TBL1Y: variants seen among roughly 807,000 people sequenced by gnomAD.
TBL1Y encodes transducin beta like 1 Y-linked.
Under a neutral mutation model 12.0 loss-of-function variants are expected in TBL1Y, and 15 were observed. The observed-to-expected ratio is 1.25, with a 90% confidence interval of 0.83 to 1.92. The LOEUF (loss-of-function observed/expected upper bound fraction) is 1.92. Ranked by LOEUF, TBL1Y falls within the 40% of genes most tolerant of loss-of-function variation. The pLI is 0.00. For missense variants in TBL1Y, 148 were observed against 116.7 expected (o/e 1.27, Z -1.24); for synonymous variants, 53 against 42.6 (o/e 1.24, Z -0.95).
In TBL1Y at chrY:6,957,591, T is replaced by C. The variant is rs776094996; in HGVS notation, c.-265-20622T>C. On this transcript the variant is annotated intron_variant, in intron 2 of 18. Coordinates refer to ENST00000383032, the MANE Select transcript of TBL1Y (RefSeq NM_033284.2). Reference sequence around the variant, plus strand: ...TGCTGAGTAACTGGAGCAGCACTTGTGCTCTAACCCAGTTGGCTATCCCTT... The same window carrying C: ...TGCTGAGTAACTGGAGCAGCACTTGCGCTCTAACCCAGTTGGCTATCCCTT... 8.8e-5 allele frequency among the ~76,000 whole-genome samples: 3 copies of C among 34,140 alleles called. No individual in the cohort carries two copies. The East Asian group carries it at 2.3e-3, about 27-fold the overall frequency. 91.6% of individuals were successfully genotyped at this position (34,140 alleles called of 37,273 possible). A position where few individuals can be genotyped will look rare whatever the true frequency, so the allele number is the denominator to read the frequency against.
chrY:6,975,902 C>T, intron 2 of TBL1Y, among the ~76,000 whole-genome samples: 1 of 27,619 alleles, frequency 3.6e-5, no homozygotes, highest in South Asian at 8.6e-4. Flanking sequence ...GAATATACTT[C>T]GTGTGTGTGT....
At chrY:6,970,687 G>T (rs2012201707) in intron 2 of TBL1Y, among the ~76,000 whole-genome samples, 3 of 33,996 alleles carry the variant, frequency 8.8e-5, no homozygotes, top group Non-Finnish European at 2.2e-4. Context: ...CACTGCAGAC[G>T]CAGGCTTCCA....
chrY:6,966,288 C>T, intron 2 of TBL1Y, among the ~76,000 whole-genome samples: 3 of 32,491 alleles, frequency 9.2e-5, no homozygotes, highest in African/African-American at 2.4e-4. Context: ...CTCCTGACCT[C>T]AGGTGATCCA....
At chrY:7,049,003 G>A in intron 7 of TBL1Y, among the ~76,000 whole-genome samples, 1 of 32,466 alleles carries the variant, frequency 3.1e-5, no homozygotes, top group African/African-American at 1.2e-4. Context: ...TTTACATTAG[G>A]TATTTCTCTT....
At chrY:6,960,603 G>A (rs1019502368) in intron 2 of TBL1Y, among the ~76,000 whole-genome samples, 1 of 33,356 alleles carries the variant, frequency 3.0e-5, no homozygotes, top group Non-Finnish European at 7.4e-5. Context: ...CTGGATTAGC[G>A]GGCCAGACAG....
Position 6,910,802 on chromosome Y carries a change from G to A in TBL1Y, c.-531G>A. The A allele has an allele frequency of 2.3e-5, 1 of 43,082 alleles. No homozygotes were observed. The highest frequency in any genetic ancestry group is 5.2e-5 in the Non-Finnish European group (1 of 19,113). 10.7% of individuals were successfully genotyped at this position (43,082 alleles called of 400,897 possible). A position where few individuals can be genotyped will look rare whatever the true frequency, so the allele number is the denominator to read the frequency against. On this transcript the variant is annotated 5_prime_UTR_variant, in exon 1 of 19. Coordinates refer to ENST00000383032, the MANE Select transcript of TBL1Y (RefSeq NM_033284.2). ...GTTACCTAAACTTTCCAGTACCCGC[G>A]ACCTTTCCGGGACTCCGCGGCGGCG...
chrY:7,063,829 G>C, intron 7 of TBL1Y, 68 bp from the exon 8 acceptor site: 8 of 379,163 alleles, frequency 2.1e-5, no homozygotes, highest in East Asian at 9.3e-5. Flanking sequence ...CCTGCCCAGA[G>C]AGTAGAGACC....
Position 6,973,432 on chromosome Y carries a change from G to A in TBL1Y, c.-265-4781G>A, listed in dbSNP as rs2012220818. ...GTGGCTCTCATTCAATGGGTCAGGG[G>A]TGTAAGGGACATTGTCCAAGCTGTG... On this transcript the variant is annotated intron_variant, in intron 2 of 18. Transcript: ENST00000383032. Among the ~76,000 whole-genome samples, 3 of 33,277 alleles carry A rather than the reference G, an allele frequency of 9.0e-5. No homozygotes were observed. The South Asian group carries it at 2.1e-3, about 23-fold the overall frequency. 89.3% of individuals were successfully genotyped at this position (33,277 alleles called of 37,273 possible).
intron 6 of TBL1Y, among the ~76,000 whole-genome samples, chrY:7,042,631 G>A (rs2012729063): frequency 3.1e-5 from 1 of 32,492 alleles, no homozygotes; most frequent in Admixed American, 2.8e-4. Flanking sequence ...CACCTCAGGT[G>A]ATCCACCTGC....
At chrY:7,053,186 C>T in intron 7 of TBL1Y, among the ~76,000 whole-genome samples, 2 of 33,712 alleles carry the variant, frequency 5.9e-5, no homozygotes, top group African/African-American at 1.2e-4. Flanking sequence ...TGGATACATA[C>T]GCCATCCCGT....
chrY:7,063,553 C>A lies in TBL1Y; in HGVS notation c.205-344C>A. 9.3e-5 allele frequency among the ~76,000 whole-genome samples: 3 copies of A among 32,273 alleles called. No individual in the cohort carries two copies. In the South Asian group the frequency reaches 2.2e-3, roughly 24 times the overall value. The allele number at this position is 32,273 out of a possible 37,273, so 86.6% of individuals were successfully genotyped here. On this transcript the variant is annotated intron_variant, in intron 7 of 18. Coordinates refer to ENST00000383032, the MANE Select transcript of TBL1Y (RefSeq NM_033284.2). Reference sequence around the variant, plus strand: ...AATGAGTCAGGATGGAGTAGGTAATCGGAATGAGTCAGGGTGGAGCAGGTA... The same window carrying A: ...AATGAGTCAGGATGGAGTAGGTAATAGGAATGAGTCAGGGTGGAGCAGGTA...
chrY:7,082,235 A>G (rs2013102901), intron 14 of TBL1Y, among the ~76,000 whole-genome samples: 1 of 32,867 alleles, frequency 3.0e-5, no homozygotes, highest in Non-Finnish European at 7.4e-5. Context: ...CATCAAATTT[A>G]ATGACAAAGA....
intron 2 of TBL1Y, among the ~76,000 whole-genome samples, chrY:6,955,339 CACTTAT>C: frequency 5.9e-5 from 2 of 33,978 alleles, no homozygotes; most frequent in East Asian, 1.5e-3. Context: ...TTTCATGATG[CACTTAT>C]ATAAACATTC....
intron 7 of TBL1Y, among the ~76,000 whole-genome samples, chrY:7,044,933 C>T (rs547299641): frequency 0.089 from 2,994 of 33,474 alleles, no homozygotes; most frequent in Non-Finnish European, 0.031. Context: ...GATATGAGCC[C>T]CTGTACCTAG....
At chrY:7,063,554 GGAATGAGTCAGGGTGGAGCAGGTAATCT>G (rs2012913675) in intron 7 of TBL1Y, among the ~76,000 whole-genome samples, 266 of 32,708 alleles carry the variant, frequency 8.1e-3, no homozygotes, top group African/African-American at 0.031. Flanking sequence ...GTAGGTAATC[GGAATGAGTCAGGGTGGAGCAGGTAATCT>G]GAATGAGTCA....
At chrY:7,038,666 A>G (rs2012707294) in intron 6 of TBL1Y, among the ~76,000 whole-genome samples, 1 of 33,215 alleles carries the variant, frequency 3.0e-5, no homozygotes, top group African/African-American at 1.2e-4. Context: ...AGAGAGATTC[A>G]TCAGGAATAT....
chrY:7,063,796 A>G, intron 7 of TBL1Y, 101 bp from the exon 8 acceptor site: 1 of 313,733 alleles, frequency 3.2e-6, no homozygotes, highest in Admixed American at 7.8e-5. Context: ...CCAGCTATTT[A>G]TGCTCCACTT....
At chrY:7,080,963 G>T in intron 14 of TBL1Y, 110 bp downstream of exon 14, 3 of 338,254 alleles carry the variant, frequency 8.9e-6, no homozygotes, top group Non-Finnish European at 1.3e-5. Context: ...CATTTCTTCT[G>T]CAGCCCTTGG....
chrY:7,071,854 C>G, intron 12 of TBL1Y, 24 bp downstream of exon 12: 1 of 351,514 alleles, frequency 2.8e-6, no homozygotes, highest in South Asian at 3.2e-5. Flanking sequence ...TAAAATATGC[C>G]CCTTTATCTA....
Sources: allele counts gnomAD v4.1 joint callset (sites outside exome capture counted in the v4.1 genomes callset), GRCh38; gene constraint gnomAD v4.1.1; transcripts MANE v1.5; gene names NCBI Gene and HGNC (gene_info 2026-07-23, HGNC 2026-07-21).